The following BAALC variants were observed in gnomAD, a reference collection of about 807,000 sequenced individuals.
The protein encoded by BAALC is BAALC binder of MAP3K1 and KLF4.
Under a neutral mutation model 15.5 loss-of-function variants are expected in BAALC, and 9 were observed. The ratio of observed to expected loss-of-function variants is 0.58; its 90% confidence interval spans 0.35 to 1.02. The LOEUF is 1.02. Among genes scored for constraint, BAALC ranks in the 50% least tolerant of loss-of-function variants. The probability of loss-of-function intolerance (pLI) is 0.02; values close to 1 mark genes in which losing one functional copy is unlikely to be tolerated. For synonymous variants in BAALC, 80 were observed against 74.6 expected (o/e 1.07, Z -0.37); for missense variants, 201 against 192.4 (o/e 1.04, Z -0.27).
intron 2 of BAALC, among the ~76,000 whole-genome samples, chr8:103,226,435 C>T (rs1370076831): frequency 1.3e-5 from 2 of 152,212 alleles, no homozygotes; most frequent in Non-Finnish European, 2.9e-5. Context: ...CAGCTGGAGG[C>T]TACTTGCTGA....
chr8:103,151,635 C>A (rs1015495382), intron 1 of BAALC, among the ~76,000 whole-genome samples: 2 of 152,104 alleles, frequency 1.3e-5, no homozygotes, highest in Admixed American at 1.3e-4. Context: ...CCCCTATAAG[C>A]AATTCATGCT....
intron 1 of BAALC, among the ~76,000 whole-genome samples, chr8:103,188,354 G>A (rs1271331087): frequency 6.6e-6 from 1 of 152,142 alleles, no homozygotes; most frequent in Non-Finnish European, 1.5e-5. Flanking sequence ...AATGCTGAGT[G>A]TGACTGGCTT....
At chr8:103,181,677 C>G (rs1811733643) in intron 1 of BAALC, among the ~76,000 whole-genome samples, 1 of 152,116 alleles carries the variant, frequency 6.6e-6, no homozygotes, top group Non-Finnish European at 1.5e-5. Flanking sequence ...CCTAGGGCCA[C>G]AGCTACAGGG....
At chr8:103,191,637 A>G (rs1414739620) in intron 1 of BAALC, among the ~76,000 whole-genome samples, 2 of 152,102 alleles carry the variant, frequency 1.3e-5, no homozygotes, top group African/African-American at 4.8e-5. Context: ...ATGCATTTAG[A>G]GTGGGGTCAG....
intron 1 of BAALC, among the ~76,000 whole-genome samples, chr8:103,198,973 A>G (rs936504335): frequency 6.6e-6 from 1 of 152,210 alleles, no homozygotes; most frequent in African/African-American, 2.4e-5. Flanking sequence ...ATTTCTATCT[A>G]TATAAGTCTA....
At chr8:103,164,587 A>T (rs1006838530) in intron 1 of BAALC, among the ~76,000 whole-genome samples, 9 of 152,214 alleles carry the variant, frequency 5.9e-5, no homozygotes, top group Non-Finnish European at 2.9e-5. Flanking sequence ...GCCTTCAGCC[A>T]TCAGGTCTGA....
At chr8:103,150,324 G>C (rs1217304987) in intron 1 of BAALC, among the ~76,000 whole-genome samples, 2 of 143,700 alleles carry the variant, frequency 1.4e-5, no homozygotes, top group African/African-American at 5.1e-5. Context: ...CATGGATATA[G>C]AAACATGGCT....
intron 1 of BAALC, among the ~76,000 whole-genome samples, chr8:103,211,191 C>T (rs1193866343): frequency 1.3e-5 from 2 of 152,102 alleles, no homozygotes; most frequent in Admixed American, 6.6e-5. Flanking sequence ...GTGAATATTG[C>T]TTCCCCTCAA....
At chr8:103,164,446 C>T (rs1811300134) in intron 1 of BAALC, among the ~76,000 whole-genome samples, 1 of 152,140 alleles carries the variant, frequency 6.6e-6, no homozygotes, top group African/African-American at 2.4e-5. Context: ...TTCTTCAGTT[C>T]ATTTCTCACA....
intron 1 of BAALC, among the ~76,000 whole-genome samples, chr8:103,142,770 C>G (rs917438889): frequency 1.3e-5 from 2 of 152,122 alleles, no homozygotes; most frequent in Non-Finnish European, 2.9e-5. Flanking sequence ...ATACATGTTC[C>G]TCACAACTTT....
chr8:103,222,520 A>G (rs1812700468), intron 2 of BAALC, among the ~76,000 whole-genome samples: 1 of 152,150 alleles, frequency 6.6e-6, no homozygotes, highest in Non-Finnish European at 1.5e-5. Flanking sequence ...GAATTTGGGC[A>G]AGATAAAAAA....
chr8:103,178,789 G>C (rs779909930), intron 1 of BAALC, among the ~76,000 whole-genome samples: 11 of 151,766 alleles, frequency 7.2e-5, no homozygotes, highest in Middle Eastern at 3.4e-3. Flanking sequence ...CTGGGACCCA[G>C]GAGGCAGAGG....
chr8:103,197,799 G>T (rs1411994009), intron 1 of BAALC, among the ~76,000 whole-genome samples: 3 of 152,050 alleles, frequency 2.0e-5, no homozygotes, highest in Non-Finnish European at 4.4e-5. Context: ...GATGTCGCAT[G>T]AACTCATTCA....
At chr8:103,151,400 C>T (rs762943894) in intron 1 of BAALC, among the ~76,000 whole-genome samples, 1 of 152,196 alleles carries the variant, frequency 6.6e-6, no homozygotes, top group Non-Finnish European at 1.5e-5. Context: ...TCAGTTTCCA[C>T]ATTGTAGGAT....
chr8:103,168,924 G>A (rs1811412583), intron 1 of BAALC, among the ~76,000 whole-genome samples: 1 of 151,800 alleles, frequency 6.6e-6, no homozygotes. Flanking sequence ...CGATAGTTTG[G>A]CGGGGTATAA....
chr8:103,163,374 GACC>G (rs1811272675), intron 1 of BAALC, among the ~76,000 whole-genome samples: 1 of 152,024 alleles, frequency 6.6e-6, no homozygotes. Flanking sequence ...CTTGATTCCA[GACC>G]ACATTTCCAA....
chr8:103,221,550 G>T (rs1473379219), intron 2 of BAALC, among the ~76,000 whole-genome samples: 1 of 151,904 alleles, frequency 6.6e-6, no homozygotes, highest in Non-Finnish European at 1.5e-5. Context: ...TGTTAAAAAA[G>T]GTTTGGCTGG....
chr8:103,188,598 G>A lies in BAALC; in HGVS notation c.161-24321G>A, dbSNP rs150958394. ...GTTTTAGGAAGTCAGAATGCAGGGT[G>A]TGTGGAGCAGAGGGGCTCAGAAATG... On this transcript the variant is annotated intron_variant, in intron 1 of 2. Transcript: ENST00000309982. Among the ~76,000 whole-genome samples, 506 of 152,344 alleles carry A rather than the reference G, an allele frequency of 3.3e-3. 6 individuals carry two copies. The highest frequency in any genetic ancestry group is 0.011 in the African/African-American group (478 of 41,582).
In BAALC at chr8:103,142,196, A is replaced by G. The variant is rs1810792585; in HGVS notation, c.160+1139A>G. 1.3e-5 allele frequency among the ~76,000 whole-genome samples: 2 copies of G among 152,392 alleles called. 1 individual carries two copies. The highest frequency in any genetic ancestry group is 4.1e-4 in the South Asian group (2 of 4,834). Reference sequence around the variant, plus strand: ...TTACTTTTACAAGGTTAAGAATCTTAAATCCATGCCTACTAAATAGAGCTG... The same window carrying G: ...TTACTTTTACAAGGTTAAGAATCTTGAATCCATGCCTACTAAATAGAGCTG... On this transcript the variant is annotated intron_variant, in intron 1 of 2. Transcript: ENST00000309982.
Sources: gnomAD v4.1 joint callset for allele counts (sites outside exome capture counted in the v4.1 genomes callset) on GRCh38, gnomAD v4.1.1 for gene constraint, MANE v1.5 for transcripts, NCBI Gene and HGNC (gene_info 2026-07-23, HGNC 2026-07-21) for gene names.